Variants in VIRMA observed in about 807,000 individuals in gnomAD.
VIRMA encodes the protein vir like m6A methyltransferase associated, also known as protein virilizer homolog.
A neutral mutation model predicts 182.4 loss-of-function variants in VIRMA; 65 were observed. The observed-to-expected ratio is 0.36, with a 90% CI of 0.29 to 0.44. VIRMA has a LOEUF of 0.44. VIRMA is among the 20% of genes least tolerant of loss of function. The probability of loss-of-function intolerance (pLI) is 1.00; values close to 1 mark genes in which losing one functional copy is unlikely to be tolerated. For synonymous variants in VIRMA, 709 were observed against 743.1 expected, an observed-to-expected ratio of 0.95 and a Z score of 0.75; for missense variants, 1,752 against 2,158.1, an observed-to-expected ratio of 0.81 and a Z score of 3.73.
chr8:94,507,296 C>T (rs928785180), intron 15 of VIRMA, among the ~76,000 whole-genome samples: 5 of 151,612 alleles, frequency 3.3e-5, no homozygotes, highest in Admixed American at 6.6e-5. Flanking sequence ...GCACCACACC[C>T]GGCTAATTTT....
intron 16 of VIRMA, among the ~76,000 whole-genome samples, chr8:94,504,190 A>G: frequency 8.7e-6 from 1 of 115,348 alleles, no homozygotes; most frequent in African/African-American, 2.9e-5. Flanking sequence ...AAATAAAATT[A>G]AAAAAAAAAA....
At chr8:94,534,643 C>A (rs1237217977) in intron 5 of VIRMA, among the ~76,000 whole-genome samples, 196 bp downstream of exon 5, 3 of 151,402 alleles carry the variant, frequency 2.0e-5, no homozygotes, top group African/African-American at 7.3e-5. Context: ...CTATCTCCCC[C>A]TCTTCCTCCT....
chr8:94,534,715 C>G, intron 5 of VIRMA, 124 bp downstream of exon 5: 1 of 1,151,164 alleles, frequency 8.7e-7, no homozygotes, highest in Non-Finnish European at 1.2e-6. Context: ...CTCCCCCTCT[C>G]TTCCTCTCTC....
intron 20 of VIRMA, among the ~76,000 whole-genome samples, chr8:94,493,285 T>C (rs113398008): frequency 1.8e-3 from 277 of 152,334 alleles, no homozygotes; most frequent in African/African-American, 6.4e-3. Flanking sequence ...GAAATCAACA[T>C]TCAGTTTACT....
At position 94,490,088 on chromosome 8, in the gene VIRMA, C is replaced by T. The variant is rs368575681; in HGVS notation, c.5141-6G>A. The T allele has an allele frequency of 1.9e-6, 3 of 1,595,356 alleles. No individual in the cohort carries two copies. The highest frequency in any genetic ancestry group is 2.2e-5 in the East Asian group (1 of 44,714). On this transcript the variant is annotated splice_region_variant and splice_polypyrimidine_tract_variant and intron_variant, in intron 22 of 23. Transcript: ENST00000297591. ...TTCCCGACGACTGTAGTTTCCTAAA[C>T]ACAAACAGCACAATCAAAATCACTT...
intron 8 of VIRMA, among the ~76,000 whole-genome samples, chr8:94,524,656 G>T (rs140558785): frequency 7.4e-4 from 113 of 152,252 alleles, no homozygotes; most frequent in African/African-American, 2.6e-3. Context: ...GGCCAGGCTG[G>T]TCTCAAACTC....
intron 2 of VIRMA, among the ~76,000 whole-genome samples, chr8:94,540,461 C>CTTTTTT (rs963429701): frequency 8.6e-4 from 111 of 128,580 alleles, no homozygotes; most frequent in Non-Finnish European, 1.3e-3. Context: ...TTCTTCTTTT[C>CTTTTTT]TTTTTTTTTT....
At chr8:94,503,171 C>G (rs1221154901) in intron 16 of VIRMA, among the ~76,000 whole-genome samples, 3 of 152,134 alleles carry the variant, frequency 2.0e-5, no homozygotes, top group Non-Finnish European at 4.4e-5. Flanking sequence ...CTGACAGATA[C>G]TAAAAATGGT....
chr8:94,504,633 G>A (rs1814094322), intron 16 of VIRMA, among the ~76,000 whole-genome samples: 1 of 152,128 alleles, frequency 6.6e-6, no homozygotes, highest in Admixed American at 6.6e-5. Flanking sequence ...GCCAAATGGT[G>A]GAAGCAAGGA....
intron 11 of VIRMA, among the ~76,000 whole-genome samples, chr8:94,514,117 A>T (rs575562215): frequency 2.8e-4 from 43 of 152,082 alleles, no homozygotes; most frequent in African/African-American, 9.7e-4. Context: ...ACACACGTGC[A>T]TGCATGCGTG....
intron 16 of VIRMA, among the ~76,000 whole-genome samples, chr8:94,502,866 A>T (rs201122996): frequency 2.8e-4 from 43 of 152,302 alleles, no homozygotes; most frequent in East Asian, 9.6e-4. Flanking sequence ...TATATAAATT[A>T]AAAAAGTCAA....
intron 19 of VIRMA, 112 bp downstream of exon 19, chr8:94,495,619 T>C: frequency 1.4e-6 from 1 of 705,846 alleles, no homozygotes. Flanking sequence ...CTGCAAAGCC[T>C]AGAATTCTTA....
intron 18 of VIRMA, 33 bp from the exon 19 acceptor site, chr8:94,495,924 C>T: frequency 6.3e-7 from 1 of 1,591,832 alleles, no homozygotes. Flanking sequence ...TAAGAAGGTG[C>T]AGGTAAAACT....
rs1385292752 is a variant in VIRMA, at chr8:94,538,290, G to T, written c.236C>A (p.Pro79Gln). The T allele has an allele frequency of 1.9e-6, 3 of 1,613,086 alleles. No individual in the cohort carries two copies. Among genetic ancestry groups the T allele is most frequent in the Non-Finnish European group, 2.5e-6 (3 of 1,179,312 alleles). Residue 79 changes from proline to glutamine, a missense_variant, in exon 3 of 24, where the codon CCA becomes CAA. Coordinates refer to ENST00000297591, the MANE Select transcript of VIRMA (RefSeq NM_015496.5). ...LDLFFNNVSKPSAPVFDRLGS... is the reference protein window; with the variant it reads ...LDLFFNNVSKQSAPVFDRLGS... ...CAACCTATCGAAAACAGGGGCACTT[G>T]GTTTGCTTACATTGTTGAAGAATAA...
chr8:94,510,680 CG>C (rs1173224855), intron 13 of VIRMA, 28 bp from the exon 14 acceptor site: 1 of 1,496,002 alleles, frequency 6.7e-7, no homozygotes, highest in Non-Finnish European at 9.3e-7. Flanking sequence ...TGTGTGTGTA[CG>C]TAGATTTTTT....
chr8:94,522,738 G>A (rs544517487), intron 8 of VIRMA, among the ~76,000 whole-genome samples: 7 of 152,062 alleles, frequency 4.6e-5, no homozygotes, highest in South Asian at 2.1e-4. Flanking sequence ...ACCTGTTAAG[G>A]GCAAAGTACT....
intron 8 of VIRMA, among the ~76,000 whole-genome samples, chr8:94,520,783 T>C (rs1414068112): frequency 6.6e-6 from 1 of 152,212 alleles, no homozygotes; most frequent in Non-Finnish European, 1.5e-5. Flanking sequence ...GAGGGATGAC[T>C]GTACTATAGA....
chr8:94,507,842 A>T (rs1469355719), intron 15 of VIRMA, among the ~76,000 whole-genome samples: 1 of 149,790 alleles, frequency 6.7e-6, no homozygotes, highest in East Asian at 1.9e-4. Context: ...ATTTAAACAC[A>T]GTCTTTCAAT....
intron 8 of VIRMA, among the ~76,000 whole-genome samples, chr8:94,523,065 A>G (rs1814830822): frequency 6.6e-6 from 1 of 152,144 alleles, no homozygotes; most frequent in Admixed American, 6.5e-5. Context: ...CTATTCTACT[A>G]AAAATAAAGT....
Sources: allele counts gnomAD v4.1 joint callset (sites outside exome capture counted in the v4.1 genomes callset), GRCh38; gene constraint gnomAD v4.1.1; transcripts MANE v1.5; gene names NCBI Gene and HGNC (gene_info 2026-07-23, HGNC 2026-07-21).